The following FOXP1 variants were observed in gnomAD, a reference collection of about 807,000 sequenced individuals.
FOXP1 encodes forkhead box protein P1.
Under a neutral mutation model 98.2 loss-of-function variants are expected in FOXP1, and 15 were observed. The ratio of observed to expected loss-of-function variants is 0.15; its 90% CI spans 0.10 to 0.24. FOXP1 has a LOEUF of 0.24. Among genes scored for constraint, FOXP1 ranks in the 10% least tolerant of loss-of-function variants. FOXP1 has a pLI of 1.00. For synonymous variants in FOXP1, 371 were observed against 314.5 expected, an observed-to-expected ratio of 1.18 and a Z score of -1.90; for missense variants, 633 against 848.5, an observed-to-expected ratio of 0.75 and a Z score of 3.15.
At position 71,519,258 on chromosome 3, in the gene FOXP1, C is replaced by T. The variant is rs142455961; in HGVS notation, c.-297-25703G>A. ...GAGACTGCATCTCAAAACTAACTAA[C>T]TAAATAAATAATAAAATAATGTGTG... On this transcript the variant is annotated intron_variant, in intron 2 of 20. Coordinates refer to ENST00000649528, the MANE Select transcript of FOXP1 (RefSeq NM_001349338.3). Among the ~76,000 whole-genome samples the T allele has an allele frequency of 2.0e-5, 3 of 152,258 alleles. No individual in the cohort carries two copies. The East Asian group carries it at 5.8e-4, about 29-fold the overall frequency.
At chr3:71,090,446 G>A (rs1052520244) in intron 7 of FOXP1, among the ~76,000 whole-genome samples, 23 of 152,046 alleles carry the variant, frequency 1.5e-4, no homozygotes, top group African/African-American at 5.6e-4. Flanking sequence ...AAAGTAACAG[G>A]GCAATGAAGA....
intron 3 of FOXP1, among the ~76,000 whole-genome samples, chr3:71,406,344 TC>T (rs1376406013): frequency 2.0e-5 from 3 of 149,828 alleles, no homozygotes; most frequent in Admixed American, 1.3e-4. Flanking sequence ...TGTGGCCTCT[TC>T]CCGAATTATT....
At chr3:71,552,220 T>C (rs766510568) in intron 2 of FOXP1, among the ~76,000 whole-genome samples, 2 of 152,122 alleles carry the variant, frequency 1.3e-5, no homozygotes, top group Non-Finnish European at 2.9e-5. Context: ...GGTGCTGATA[T>C]TGCTACCTAT....
At chr3:71,366,788 A>G (rs930046589) in intron 3 of FOXP1, among the ~76,000 whole-genome samples, 8 of 152,202 alleles carry the variant, frequency 5.3e-5, no homozygotes, top group South Asian at 2.1e-4. Context: ...TACGCACTCA[A>G]TTAACATTCC....
chr3:71,215,943 C>CT (rs1180270676), intron 5 of FOXP1, among the ~76,000 whole-genome samples: 1 of 152,184 alleles, frequency 6.6e-6, no homozygotes, highest in Non-Finnish European at 1.5e-5. Context: ...AGCATTTCTC[C>CT]TTTGTATATG....
intron 2 of FOXP1, among the ~76,000 whole-genome samples, chr3:71,512,459 T>C (rs1420107831): frequency 1.3e-5 from 2 of 152,194 alleles, no homozygotes; most frequent in Non-Finnish European, 2.9e-5. Flanking sequence ...ACCTATTACC[T>C]TATTGCCTTG....
At chr3:71,215,751 G>A (rs137943491) in intron 5 of FOXP1, among the ~76,000 whole-genome samples, 101 of 152,270 alleles carry the variant, frequency 6.6e-4, no homozygotes, top group African/African-American at 1.9e-3. Context: ...ACAGCTTAGA[G>A]AGCAACACTA....
intron 6 of FOXP1, among the ~76,000 whole-genome samples, chr3:71,184,302 C>CA (rs774197623): frequency 2.0e-5 from 3 of 152,142 alleles, no homozygotes; most frequent in Admixed American, 6.5e-5. Context: ...TGTCCAATGC[C>CA]AAAATACCCT....
chr3:71,417,842 C>T (rs2083329617), intron 3 of FOXP1, among the ~76,000 whole-genome samples: 1 of 151,796 alleles, frequency 6.6e-6, no homozygotes, highest in South Asian at 2.1e-4. Flanking sequence ...TCCGCATAGC[C>T]GATTCACTTC....
intron 2 of FOXP1, among the ~76,000 whole-genome samples, chr3:71,516,997 T>G (rs1159144411): frequency 1.3e-5 from 2 of 152,188 alleles, no homozygotes; most frequent in Non-Finnish European, 2.9e-5. Context: ...TTTCACCCCC[T>G]GTGAATTTTA....
chr3:71,265,215 C>A (rs2069520876), intron 5 of FOXP1, among the ~76,000 whole-genome samples: 1 of 152,222 alleles, frequency 6.6e-6, no homozygotes, highest in South Asian at 2.1e-4. Flanking sequence ...CCAAAATCAA[C>A]TATATCTGCC....
Position 71,516,761 on chromosome 3 carries a change from G to A in FOXP1, c.-297-23206C>T, listed in dbSNP as rs568156337. ...CTTGGGAGGCTGAGGCAGGAGAATC[G>A]CTTGAACTCGGGAGGCAGAGGTTGC... On this transcript the variant is annotated intron_variant, in intron 2 of 20. Coordinates refer to ENST00000649528, the MANE Select transcript of FOXP1 (RefSeq NM_001349338.3). Among the ~76,000 whole-genome samples, 27 of 152,200 alleles carry A rather than the reference G, an allele frequency of 1.8e-4. No individual in the cohort carries two copies. In the South Asian group the frequency reaches 3.9e-3, roughly 22 times the overall value.
Position 70,983,202 on chromosome 3 carries a change from G to T in FOXP1, c.1146+4792C>A, listed in dbSNP as rs1024799120. On this transcript the variant is annotated intron_variant, in intron 14 of 20. Coordinates refer to ENST00000649528, the MANE Select transcript of FOXP1 (RefSeq NM_001349338.3). ...CCTGTTTTAGAGAAGCGAACTCGTG[G>T]AAGGTTATGACTTACTTAGAAGGTG... is the stretch of plus-strand genomic sequence containing the variant. 5.9e-5 allele frequency among the ~76,000 whole-genome samples: 9 copies of T among 151,852 alleles called. No homozygotes were observed. In the South Asian group the frequency reaches 1.5e-3, roughly 25 times the overall value.
Position 70,994,871 on chromosome 3 carries a change from A to G in FOXP1, c.1062+6101T>C, listed in dbSNP as rs369657610. 3.4e-4 allele frequency among the ~76,000 whole-genome samples: 52 copies of G among 152,310 alleles called. No homozygotes were observed. In the East Asian group the frequency reaches 9.6e-3, roughly 28 times the overall value. Reference sequence around the variant, plus strand: ...CCTGCCCCGATGACACATGATGAAAACATCAGGACATCTTCATCCATCAGA... The same window carrying G: ...CCTGCCCCGATGACACATGATGAAAGCATCAGGACATCTTCATCCATCAGA... On this transcript the variant is annotated intron_variant, in intron 13 of 20. Coordinates refer to ENST00000649528, the MANE Select transcript of FOXP1 (RefSeq NM_001349338.3).
At chr3:71,031,493 A>G (rs1012657790) in intron 11 of FOXP1, among the ~76,000 whole-genome samples, 6 of 152,214 alleles carry the variant, frequency 3.9e-5, no homozygotes, top group Non-Finnish European at 7.3e-5. Context: ...TGAATTTTCC[A>G]AAGTGTCTTT....
At chr3:71,269,324 TAATAAGATAGCTAG>T (rs1194206430) in intron 5 of FOXP1, among the ~76,000 whole-genome samples, 2 of 151,814 alleles carry the variant, frequency 1.3e-5, no homozygotes, top group Non-Finnish European at 2.9e-5. Flanking sequence ...CCTTGGAAAG[TAATAAGATAGCTAG>T]GCAGAAAAAA....
chr3:71,552,355 A>G (rs554439822), intron 2 of FOXP1, among the ~76,000 whole-genome samples: 20 of 152,024 alleles, frequency 1.3e-4, no homozygotes, highest in Non-Finnish European at 2.5e-4. Context: ...AATAACCAGT[A>G]AGAAAATATA....
intron 3 of FOXP1, among the ~76,000 whole-genome samples, chr3:71,406,298 T>C (rs749211423): frequency 6.6e-6 from 1 of 151,802 alleles, no homozygotes; most frequent in Non-Finnish European, 1.5e-5. Context: ...TTCCTCACTA[T>C]TTCCAGCTTC....
intron 1 of FOXP1, among the ~76,000 whole-genome samples, chr3:71,583,161 C>T (rs1158742376): frequency 1.3e-5 from 2 of 152,068 alleles, no homozygotes; most frequent in African/African-American, 4.8e-5. Context: ...ATTTCTCTCC[C>T]CTAGGCGATC....
Sources: allele counts gnomAD v4.1 joint callset (sites outside exome capture counted in the v4.1 genomes callset), GRCh38; gene constraint gnomAD v4.1.1; transcripts MANE v1.5; gene names NCBI Gene and HGNC (gene_info 2026-07-23, HGNC 2026-07-21).